Variants in CNTNAP2 observed in about 807,000 individuals in gnomAD.
CNTNAP2 encodes contactin associated protein 2.
In CNTNAP2, 98 loss-of-function variants were observed where a neutral mutation model predicts 155.2. The ratio of observed to expected loss-of-function variants is 0.63; its 90% CI spans 0.54 to 0.75. The LOEUF (loss-of-function observed/expected upper bound fraction) is 0.75, where lower values mean the gene tolerates loss of function less well. Ranked by LOEUF, CNTNAP2 falls within the 30% of genes least tolerant of loss-of-function variation. CNTNAP2 has a pLI of 0.00. For missense variants in CNTNAP2, 1,727 were observed against 1,688.1 expected, an observed-to-expected ratio of 1.02 and a Z score of -0.40; for synonymous variants, 651 against 631.2, an observed-to-expected ratio of 1.03 and a Z score of -0.47.
intron 1 of CNTNAP2, among the ~76,000 whole-genome samples, chr7:146,156,030 A>G (rs1798120924): frequency 6.6e-6 from 1 of 152,040 alleles, no homozygotes; most frequent in African/African-American, 2.4e-5. Flanking sequence ...TAAATACAGA[A>G]AATTCCTGTT....
chr7:147,246,044 CAT>C (rs1012399901), intron 8 of CNTNAP2, among the ~76,000 whole-genome samples: 2 of 147,944 alleles, frequency 1.4e-5, no homozygotes, highest in African/African-American at 5.0e-5. Flanking sequence ...ATATAACGTG[CAT>C]ATATATATAC....
chr7:146,290,930 C>T (rs1800419147), intron 1 of CNTNAP2, among the ~76,000 whole-genome samples: 1 of 152,162 alleles, frequency 6.6e-6, no homozygotes, highest in South Asian at 2.1e-4. Flanking sequence ...TATTGGATGA[C>T]TTAGTTTCAA....
At chr7:147,551,419 T>C (rs1041480920) in intron 11 of CNTNAP2, among the ~76,000 whole-genome samples, 1 of 152,300 alleles carries the variant, frequency 6.6e-6, no homozygotes, top group Admixed American at 6.5e-5. Flanking sequence ...AGTTATTGAC[T>C]CCTTAATCTC....
rs567055881 is a variant in CNTNAP2, at chr7:147,929,049, G to A, written c.2255+25328G>A. Among the ~76,000 whole-genome samples, 189 of 127,016 alleles carry A rather than the reference G, an allele frequency of 1.5e-3. 1 individual carries two copies. Among genetic ancestry groups the A allele is most frequent in the Non-Finnish European group, 2.2e-3 (146 of 65,224 alleles). The allele number at this position is 127,016 out of a possible 152,430, so 83.3% of individuals were successfully genotyped here. ...AGAGGTTGCAGTGAGCCGAGACTGC[G>A]CCGTTGCACTCCAGCCGGGGCAACA... On this transcript the variant is annotated intron_variant, in intron 14 of 23. Coordinates refer to ENST00000361727, the MANE Select transcript of CNTNAP2 (RefSeq NM_014141.6).
chr7:147,534,505 T>G (rs562187496), intron 11 of CNTNAP2, among the ~76,000 whole-genome samples: 1 of 152,288 alleles, frequency 6.6e-6, no homozygotes, highest in Admixed American at 6.5e-5. Flanking sequence ...CATATGATTC[T>G]GAATGCCAAG....
At chr7:148,345,169 T>A (rs960347916) in intron 21 of CNTNAP2, among the ~76,000 whole-genome samples, 1 of 152,094 alleles carries the variant, frequency 6.6e-6, no homozygotes. Context: ...CATCTTTAAC[T>A]CTCTGCGGGG....
At chr7:147,060,764 T>C (rs1466172329) in intron 4 of CNTNAP2, among the ~76,000 whole-genome samples, 3 of 151,784 alleles carry the variant, frequency 2.0e-5, no homozygotes, top group Non-Finnish European at 4.4e-5. Flanking sequence ...CTCTGGAGGC[T>C]GAGGCAGGAG....
At chr7:147,726,516 G>T (rs1407224950) in intron 13 of CNTNAP2, among the ~76,000 whole-genome samples, 1 of 151,920 alleles carries the variant, frequency 6.6e-6, no homozygotes, top group African/African-American at 2.4e-5. Flanking sequence ...TATGTTAAGG[G>T]CAGGGGGAAG....
At chr7:146,555,492 G>GTCTATCTA (rs1207891120) in intron 1 of CNTNAP2, among the ~76,000 whole-genome samples, 39 of 84,596 alleles carry the variant, frequency 4.6e-4, no homozygotes, top group African/African-American at 7.2e-4. Context: ...TGTATCATCT[G>GTCTATCTA]TCTGTCTATC....
Position 147,878,149 on chromosome 7 carries a change from T to TA in CNTNAP2, c.2099-25416_2099-25415insA, listed in dbSNP as rs1554444570. ...TTTAGCATTGGAAGTTTAGGGTTTT[T>TA]TTTTTTTTCTTTTTCTTTTAGTGGA... On this transcript the variant is annotated intron_variant, in intron 13 of 23. Coordinates refer to ENST00000361727, the MANE Select transcript of CNTNAP2 (RefSeq NM_014141.6). Among the ~76,000 whole-genome samples the TA allele has an allele frequency of 1.6e-4, 16 of 99,100 alleles. No individual in the cohort carries two copies. In the South Asian group the frequency reaches 4.6e-3, roughly 29 times the overall value. The allele number at this position is 99,100 out of a possible 152,430, so 65.0% of individuals were successfully genotyped here. A position where few individuals can be genotyped will look rare whatever the true frequency, so the allele number is the denominator to read the frequency against.
At chr7:146,307,589 G>A (rs941395187) in intron 1 of CNTNAP2, among the ~76,000 whole-genome samples, 1 of 152,032 alleles carries the variant, frequency 6.6e-6, no homozygotes, top group African/African-American at 2.4e-5. Flanking sequence ...ATACTACAAG[G>A]CTACAGTAAC....
intron 1 of CNTNAP2, among the ~76,000 whole-genome samples, chr7:146,243,505 G>A (rs554013550): frequency 1.2e-4 from 19 of 152,298 alleles, no homozygotes; most frequent in African/African-American, 4.6e-4. Context: ...GGAGGAACAT[G>A]TGTTGATCAG....
chr7:146,214,916 C>T (rs1799090270), intron 1 of CNTNAP2, among the ~76,000 whole-genome samples: 1 of 152,118 alleles, frequency 6.6e-6, no homozygotes, highest in African/African-American at 2.4e-5. Flanking sequence ...TGCTTTTATG[C>T]ACTGTCCCCT....
intron 22 of CNTNAP2, among the ~76,000 whole-genome samples, chr7:148,385,736 GTTTTTTTTTTT>G (rs398006728): frequency 5.2e-5 from 5 of 95,356 alleles, no homozygotes; most frequent in African/African-American, 8.1e-5. Flanking sequence ...AGTGTGACAG[GTTTTTTTTTTT>G]TTTTTTTTTT....
intron 4 of CNTNAP2, among the ~76,000 whole-genome samples, chr7:147,053,265 A>G (rs753918268): frequency 2.0e-5 from 3 of 152,154 alleles, no homozygotes; most frequent in Non-Finnish European, 4.4e-5. Flanking sequence ...GACATTTGAA[A>G]TGAACAAATT....
chr7:146,503,274 G>T (rs1387613464), intron 1 of CNTNAP2, among the ~76,000 whole-genome samples: 1 of 152,018 alleles, frequency 6.6e-6, no homozygotes, highest in Non-Finnish European at 1.5e-5. Flanking sequence ...AAAAATCTTT[G>T]CCAAGATCAA....
intron 13 of CNTNAP2, among the ~76,000 whole-genome samples, chr7:147,864,100 T>C (rs976812840): frequency 6.6e-6 from 1 of 152,040 alleles, no homozygotes; most frequent in Non-Finnish European, 1.5e-5. Context: ...GAATTAATTT[T>C]TGTATATGAT....
intron 1 of CNTNAP2, among the ~76,000 whole-genome samples, chr7:146,128,602 C>G (rs1563132568): frequency 6.6e-6 from 1 of 152,096 alleles, no homozygotes; most frequent in Non-Finnish European, 1.5e-5. Context: ...AAACACATTC[C>G]TTAAAACACT....
chr7:146,178,036 TA>T (rs1268981247), intron 1 of CNTNAP2, among the ~76,000 whole-genome samples: 1 of 152,098 alleles, frequency 6.6e-6, no homozygotes, highest in African/African-American at 2.4e-5. Context: ...TTTTTATTTT[TA>T]TTTTTTTATT....
Sources: allele counts gnomAD v4.1 joint callset (sites outside exome capture counted in the v4.1 genomes callset), GRCh38; gene constraint gnomAD v4.1.1; transcripts MANE v1.5; gene names NCBI Gene and HGNC (gene_info 2026-07-23, HGNC 2026-07-21).